Variants in ELOVL6 observed in about 807,000 individuals in gnomAD.
The protein encoded by ELOVL6 is ELOVL fatty acid elongase 6.
Under a neutral mutation model 31.7 loss-of-function variants are expected in ELOVL6, and 8 were observed. That is an observed-to-expected ratio of 0.25 (90% CI 0.15 to 0.45). ELOVL6 has a LOEUF of 0.45. Among genes scored for constraint, ELOVL6 ranks in the 20% least tolerant of loss-of-function variants. The pLI is 1.00. For missense variants in ELOVL6, 126 were observed against 326.4 expected (o/e 0.39, Z 4.73); for synonymous variants, 101 against 117.7 (o/e 0.86, Z 0.92).
intron 3 of ELOVL6, among the ~76,000 whole-genome samples, chr4:110,053,533 G>T (rs1754891033): frequency 6.6e-6 from 1 of 152,214 alleles, no homozygotes; most frequent in Non-Finnish European, 1.5e-5. Flanking sequence ...GGCCGGGTGT[G>T]GTGACTCACA....
intron 1 of ELOVL6, among the ~76,000 whole-genome samples, chr4:110,196,177 T>C (rs1759772804): frequency 6.6e-6 from 1 of 151,856 alleles, no homozygotes; most frequent in South Asian, 2.1e-4. Context: ...ATGGCGGGCG[T>C]ACAGTGAATG....
chr4:110,084,495 C>CA lies in ELOVL6; in HGVS notation c.221+21001dup, dbSNP rs1560815562. ...AACAATATACACTATAATGTATACA[C>CA]ATATATATCATATATGTGTATACAT... On this transcript the variant is annotated intron_variant, in intron 2 of 3. Transcript: ENST00000302274. Among the ~76,000 whole-genome samples the CA allele has an allele frequency of 6.5e-4, 31 of 47,860 alleles. 1 individual carries two copies. The South Asian group carries it at 0.018, about 28-fold the overall frequency. The allele number at this position is 47,860 out of a possible 152,430, so 31.4% of individuals were successfully genotyped here.
chr4:110,081,703 A>T (rs886828130), intron 2 of ELOVL6, among the ~76,000 whole-genome samples: 1 of 151,322 alleles, frequency 6.6e-6, no homozygotes, highest in Non-Finnish European at 1.5e-5. Flanking sequence ...CATGTCTGAA[A>T]CACTAAAAGC....
intron 1 of ELOVL6, among the ~76,000 whole-genome samples, chr4:110,185,491 ATC>A (rs147217003): frequency 0.012 from 1,891 of 152,304 alleles, 98 homozygotes; most frequent in Admixed American, 0.094. Flanking sequence ...GTTTTAATAA[ATC>A]TCTTAGAGGT....
At chr4:110,176,974 G>T (rs1245895295) in intron 1 of ELOVL6, among the ~76,000 whole-genome samples, 3 of 152,108 alleles carry the variant, frequency 2.0e-5, no homozygotes, top group Admixed American at 2.0e-4. Context: ...ACCTCAGGTG[G>T]TCTGCCTGCC....
intron 1 of ELOVL6, among the ~76,000 whole-genome samples, chr4:110,160,556 T>C (rs147371477): frequency 6.6e-6 from 1 of 152,236 alleles, no homozygotes; most frequent in Non-Finnish European, 1.5e-5. Context: ...GTTTACAAGC[T>C]TCCATCAACA....
chr4:110,056,125 G>GT (rs1553953512), intron 3 of ELOVL6, among the ~76,000 whole-genome samples: 1 of 141,964 alleles, frequency 7.0e-6, no homozygotes, highest in Admixed American at 7.0e-5. Flanking sequence ...TGGGAGCTGG[G>GT]GGGGGGGATA....
chr4:110,164,760 A>G (rs2126270670), intron 1 of ELOVL6, among the ~76,000 whole-genome samples: 1 of 151,912 alleles, frequency 6.6e-6, no homozygotes, highest in Admixed American at 6.6e-5. Flanking sequence ...AAAAAAGAAA[A>G]AAAAAAAAAC....
chr4:110,090,600 C>CTTTTTTGTTTTTTTTTTTTTTTTT (rs1553956743), intron 2 of ELOVL6, among the ~76,000 whole-genome samples: 11 of 103,720 alleles, frequency 1.1e-4, no homozygotes, highest in Non-Finnish European at 1.4e-4. Flanking sequence ...GTTTGACTTT[C>CTTTTTTGTTTTTTTTTTTTTTTTT]TTTTTTTTTT....
Position 110,051,554 on chromosome 4 carries a change from A to G in ELOVL6, c.582T>C (p.Phe194=). The G allele has an allele frequency of 6.2e-7, 1 of 1,614,196 alleles. No homozygotes were observed. The highest frequency in any genetic ancestry group is 1.1e-5 in the South Asian group (1 of 91,080). ...TCTGGGACAAGGTGATGAACATGGC[A>G]AACTTCCGGGAGACTCGGAAACCTG... ...RAAGFRVSRK[F]AMFITLSQIT... The change falls in exon 4 of 4, where the codon TTT becomes TTC. Residue 194 remains phenylalanine, a synonymous_variant. Transcript: ENST00000302274. The surrounding 1 kb of genome is among the most constrained non-coding windows in gnomAD (Gnocchi z 4.8).
rs72898552 is a variant in ELOVL6, at chr4:110,083,102, C to T, written c.221+22395G>A. Among the ~76,000 whole-genome samples, 447 of 151,504 alleles carry T rather than the reference C, an allele frequency of 3.0e-3. 19 individuals carry two copies. Among genetic ancestry groups the T allele is most frequent in the African/African-American group, 0.01 (422 of 40,972 alleles). On this transcript the variant is annotated intron_variant, in intron 2 of 3. Coordinates refer to ENST00000302274, the MANE Select transcript of ELOVL6 (RefSeq NM_024090.3). ...AAAAAAAAGCAAACTTTTTCTATGC[C>T]GACTACATACTAGGTTCTTCATATC...
chr4:110,068,106 GA>G (rs879670294), intron 2 of ELOVL6, among the ~76,000 whole-genome samples: 5 of 152,054 alleles, frequency 3.3e-5, no homozygotes, highest in Non-Finnish European at 7.4e-5. Flanking sequence ...AAATACATAA[GA>G]AAGAAAAGTA....
intron 1 of ELOVL6, among the ~76,000 whole-genome samples, chr4:110,132,778 T>G (rs1329807592): frequency 6.6e-6 from 1 of 152,024 alleles, no homozygotes; most frequent in Admixed American, 6.6e-5. Context: ...ATGTGGAGGT[T>G]GCAGTGAGCT....
chr4:110,057,169 C>G (rs779311566), intron 3 of ELOVL6, among the ~76,000 whole-genome samples: 6 of 152,156 alleles, frequency 3.9e-5, no homozygotes, highest in Non-Finnish European at 8.8e-5. Flanking sequence ...CTGTATATAA[C>G]TCAGAACACA....
intron 1 of ELOVL6, among the ~76,000 whole-genome samples, chr4:110,189,796 G>A (rs1370589473): frequency 6.6e-6 from 1 of 151,334 alleles, no homozygotes; most frequent in East Asian, 1.9e-4. Flanking sequence ...GTGAAACCCC[G>A]TCTCTACTAA....
In ELOVL6 at chr4:110,187,465, T is replaced by G. The variant is rs1414265047; in HGVS notation, c.89+10782A>C. ...AAAATGAAAAAAAAAAAAAAATTGC[T>G]TGGGAGGCCGAGGCAGGCGGATCAC... On this transcript the variant is annotated intron_variant, in intron 1 of 3. Coordinates refer to ENST00000302274, the MANE Select transcript of ELOVL6 (RefSeq NM_024090.3). 4.0e-5 allele frequency among the ~76,000 whole-genome samples: 6 copies of G among 151,042 alleles called. No individual in the cohort carries two copies. The South Asian group carries it at 1.3e-3, about 32-fold the overall frequency.
chr4:110,071,806 A>G (rs1755491980), intron 2 of ELOVL6, among the ~76,000 whole-genome samples: 2 of 152,216 alleles, frequency 1.3e-5, no homozygotes, highest in South Asian at 2.1e-4. Context: ...GTATGAAAAG[A>G]TACTCCTTTC....
At chr4:110,188,857 C>T (rs1325439939) in intron 1 of ELOVL6, among the ~76,000 whole-genome samples, 2 of 149,198 alleles carry the variant, frequency 1.3e-5, no homozygotes, top group Non-Finnish European at 3.0e-5. Flanking sequence ...TGCCATTGCA[C>T]TCCACTGGGC....
At chr4:110,097,034 G>T (rs7655420) in intron 2 of ELOVL6, among the ~76,000 whole-genome samples, 1 of 151,784 alleles carries the variant, frequency 6.6e-6, no homozygotes, top group Non-Finnish European at 1.5e-5. Flanking sequence ...ATGGCTGGGC[G>T]CAGTGGCTCA....
Sources: allele counts gnomAD v4.1 joint callset (sites outside exome capture counted in the v4.1 genomes callset), GRCh38; gene constraint gnomAD v4.1.1; non-coding constraint Gnocchi (gnomAD v3.1); transcripts MANE v1.5; gene names NCBI Gene and HGNC (gene_info 2026-07-23, HGNC 2026-07-21).